ZBTB7C: variants seen among roughly 807,000 people sequenced by gnomAD.
ZBTB7C encodes zinc finger and BTB domain containing 7C, also known as zinc finger and BTB domain-containing protein 7C.
ZBTB7C carries 8 observed loss-of-function variants against 25.7 expected under a neutral mutation model. The ratio of observed to expected loss-of-function variants is 0.31; its 90% CI spans 0.18 to 0.56. The LOEUF (loss-of-function observed/expected upper bound fraction) is 0.56. Among genes scored for constraint, ZBTB7C ranks in the 20% least tolerant of loss-of-function variants. The pLI, the probability that ZBTB7C is intolerant of heterozygous loss-of-function variation, is 0.91. For missense variants in ZBTB7C, 824 were observed against 855.2 expected, an observed-to-expected ratio of 0.96 and a Z score of 0.46; for synonymous variants, 394 against 369.0, an observed-to-expected ratio of 1.07 and a Z score of -0.78.
At chr18:48,042,571 G>A in intron 3 of ZBTB7C, among the ~76,000 whole-genome samples, 1 of 152,152 alleles carries the variant, frequency 6.6e-6, no homozygotes, top group East Asian at 1.9e-4. Flanking sequence ...AGAAGTATAC[G>A]CTCATAAAGT....
At chr18:48,258,803 C>A (rs1014011796) in intron 2 of ZBTB7C, among the ~76,000 whole-genome samples, 2 of 151,960 alleles carry the variant, frequency 1.3e-5, no homozygotes, top group Non-Finnish European at 2.9e-5. Context: ...GGATTACAGG[C>A]GCACACCACC....
chr18:48,152,967 G>A (rs1050692911), intron 3 of ZBTB7C, among the ~76,000 whole-genome samples: 1 of 152,218 alleles, frequency 6.6e-6, no homozygotes, highest in African/African-American at 2.4e-5. Context: ...CACAGCTGTT[G>A]AGTGGAACAA....
At chr18:48,067,135 C>T (rs1380380585) in intron 3 of ZBTB7C, among the ~76,000 whole-genome samples, 1 of 152,132 alleles carries the variant, frequency 6.6e-6, no homozygotes, top group African/African-American at 2.4e-5. Flanking sequence ...CAAAACCTAG[C>T]TCTATAGCTC....
At chr18:48,221,779 T>C (rs560495570) in intron 2 of ZBTB7C, among the ~76,000 whole-genome samples, 7 of 146,662 alleles carry the variant, frequency 4.8e-5, no homozygotes, top group Non-Finnish European at 7.5e-5. Context: ...CTGTCCCAGT[T>C]TCCTCTATGC....
At chr18:48,282,668 T>C (rs1598774172) in intron 2 of ZBTB7C, among the ~76,000 whole-genome samples, 1 of 152,100 alleles carries the variant, frequency 6.6e-6, no homozygotes, top group South Asian at 2.1e-4. Context: ...GCAATACAAA[T>C]ATGAGAATGT....
intron 1 of ZBTB7C, among the ~76,000 whole-genome samples, chr18:48,351,734 G>A (rs2046866897): frequency 6.6e-6 from 1 of 152,168 alleles, no homozygotes; most frequent in Admixed American, 6.5e-5. Context: ...GCCTTTGACA[G>A]CAGTGACTGA....
intron 3 of ZBTB7C, among the ~76,000 whole-genome samples, chr18:48,120,324 G>C (rs766945721): frequency 1.3e-5 from 2 of 152,118 alleles, no homozygotes; most frequent in Non-Finnish European, 2.9e-5. Flanking sequence ...CCATGGAGGC[G>C]AAAGAAGTGG....
chr18:48,224,677 T>C (rs1436738293), intron 2 of ZBTB7C, among the ~76,000 whole-genome samples: 3 of 152,178 alleles, frequency 2.0e-5, no homozygotes, highest in African/African-American at 7.2e-5. Flanking sequence ...TACCACTTAC[T>C]AGCCATGGGC....
At chr18:48,135,287 T>G (rs1209546364) in intron 3 of ZBTB7C, among the ~76,000 whole-genome samples, 1 of 152,004 alleles carries the variant, frequency 6.6e-6, no homozygotes, top group Non-Finnish European at 1.5e-5. Flanking sequence ...GAAAATGACA[T>G]TAAAAAAAGT....
intron 2 of ZBTB7C, among the ~76,000 whole-genome samples, chr18:48,226,166 G>A (rs2043086789): frequency 6.6e-6 from 1 of 152,212 alleles, no homozygotes; most frequent in Non-Finnish European, 1.5e-5. Context: ...AGCCCAAGCT[G>A]CTGACCAAAA....
chr18:48,319,790 GTAAATACA>G (rs1598862405), intron 2 of ZBTB7C, among the ~76,000 whole-genome samples: 1 of 152,184 alleles, frequency 6.6e-6, no homozygotes, highest in East Asian at 1.9e-4. Flanking sequence ...AAACAACCAA[GTAAATACA>G]TAATTAAATA....
chr18:48,084,436 C>T (rs1292927237), intron 3 of ZBTB7C, among the ~76,000 whole-genome samples: 1 of 152,214 alleles, frequency 6.6e-6, no homozygotes, highest in African/African-American at 2.4e-5. Context: ...TGGGTTGACT[C>T]ACAGCAGTGG....
At chr18:48,258,379 T>C (rs1458745633) in intron 2 of ZBTB7C, among the ~76,000 whole-genome samples, 2 of 152,202 alleles carry the variant, frequency 1.3e-5, no homozygotes, top group Non-Finnish European at 2.9e-5. Flanking sequence ...ACCACGTTTG[T>C]GATATATAAG....
At chr18:48,367,320 G>GTATATATATACA (rs2047261815) in intron 1 of ZBTB7C, among the ~76,000 whole-genome samples, 1 of 119,358 alleles carries the variant, frequency 8.4e-6, no homozygotes, top group African/African-American at 3.4e-5. Context: ...ATACATATAT[G>GTATATATATACA]TGTGTATATA....
intron 1 of ZBTB7C, among the ~76,000 whole-genome samples, chr18:48,373,909 T>C (rs2047452423): frequency 6.6e-6 from 1 of 150,648 alleles, no homozygotes; most frequent in Admixed American, 6.6e-5. Context: ...TGCAGTGAGC[T>C]GAGATCGCGC....
At chr18:48,347,344 C>A (rs2145014394) in intron 1 of ZBTB7C, among the ~76,000 whole-genome samples, 1 of 152,224 alleles carries the variant, frequency 6.6e-6, no homozygotes, top group Non-Finnish European at 1.5e-5. Context: ...CAGCCGTGAT[C>A]CCCAAATTTC....
At chr18:48,237,717 T>G (rs1473661845) in intron 2 of ZBTB7C, among the ~76,000 whole-genome samples, 1 of 151,730 alleles carries the variant, frequency 6.6e-6, no homozygotes, top group Non-Finnish European at 1.5e-5. Context: ...TACCCTATGA[T>G]AGATAATTGC....
chr18:48,035,939 C>T (rs2035950818), intron 4 of ZBTB7C, among the ~76,000 whole-genome samples: 2 of 152,246 alleles, frequency 1.3e-5, no homozygotes. Context: ...ACAGGAGCTG[C>T]CTCTGTGGCC....
chr18:48,316,875 G>C (rs1465727753), intron 2 of ZBTB7C, among the ~76,000 whole-genome samples: 3 of 152,186 alleles, frequency 2.0e-5, no homozygotes, highest in Non-Finnish European at 4.4e-5. Flanking sequence ...ACCTCTCTGG[G>C]CCTCAGTTTC....
Sources: allele counts gnomAD v4.1 joint callset (sites outside exome capture counted in the v4.1 genomes callset), GRCh38; gene constraint gnomAD v4.1.1; transcripts MANE v1.5; gene names NCBI Gene and HGNC (gene_info 2026-07-23, HGNC 2026-07-21).